CNTN1: variants seen among roughly 807,000 people sequenced by gnomAD.
The protein encoded by CNTN1 is contactin 1, also known as contactin-1.
Under a neutral mutation model 126.4 loss-of-function variants are expected in CNTN1, and 38 were observed. The ratio of observed to expected loss-of-function variants is 0.30; its 90% CI spans 0.23 to 0.39. The LOEUF (loss-of-function observed/expected upper bound fraction) is 0.39. Among genes scored for constraint, CNTN1 ranks in the 10% least tolerant of loss-of-function variants. CNTN1 has a pLI of 1.00. For missense variants in CNTN1, 1,009 were observed against 1,248.4 expected (o/e 0.81, Z 2.89); for synonymous variants, 413 against 422.6 (o/e 0.98, Z 0.28).
chr12:40,776,399 T>G (rs1939579082), intron 1 of CNTN1, among the ~76,000 whole-genome samples: 1 of 151,718 alleles, frequency 6.6e-6, no homozygotes, highest in African/African-American at 2.4e-5. Context: ...TTCTTTTGTT[T>G]TGTTTTAAGA....
intron 1 of CNTN1, among the ~76,000 whole-genome samples, chr12:40,852,364 G>A (rs1942751235): frequency 6.6e-6 from 1 of 152,076 alleles, no homozygotes; most frequent in Non-Finnish European, 1.5e-5. Context: ...CTTTTGGGTT[G>A]ATCAGCAATG....
At chr12:40,880,307 A>T (rs757996048) in intron 1 of CNTN1, among the ~76,000 whole-genome samples, 1 of 152,028 alleles carries the variant, frequency 6.6e-6, no homozygotes, top group Non-Finnish European at 1.5e-5. Context: ...AAATCTGAGT[A>T]AGAGGATTTC....
intron 15 of CNTN1, chr12:40,971,642 C>T: frequency 6.8e-7 from 1 of 1,475,300 alleles, no homozygotes; most frequent in Non-Finnish European, 8.9e-7. Context: ...GTATGTTTCC[C>T]CTTTTGAAAC....
chr12:41,029,378 T>C (rs1404085816), intron 23 of CNTN1, among the ~76,000 whole-genome samples, 159 bp downstream of exon 23: 2 of 152,204 alleles, frequency 1.3e-5, no homozygotes, highest in Non-Finnish European at 2.9e-5. Context: ...ATTTCTCCTC[T>C]TATGAGTCAC....
chr12:40,967,361 T>TC (rs1474780446), intron 15 of CNTN1, among the ~76,000 whole-genome samples: 5 of 149,084 alleles, frequency 3.4e-5, no homozygotes, highest in Non-Finnish European at 7.4e-5. Flanking sequence ...ATGCCTGTAG[T>TC]CCCCCCTGCT....
intron 1 of CNTN1, among the ~76,000 whole-genome samples, chr12:40,693,229 C>T (rs1355798159): frequency 1.3e-5 from 2 of 152,228 alleles, no homozygotes; most frequent in Admixed American, 6.5e-5. Context: ...CCCTTCTCCA[C>T]GATCTGCGGC....
Position 40,896,289 on chromosome 12 carries a change from A to G in CNTN1, c.-76-12068A>G, listed in dbSNP as rs1438762566. Among the ~76,000 whole-genome samples the G allele has an allele frequency of 3.3e-5, 5 of 152,160 alleles. 1 individual carries two copies. The highest frequency in any genetic ancestry group is 2.0e-4 in the Admixed American group (3 of 15,286). ...AGGAATATAAAGATATGTATAAGGT[A>G]TGTTTTTTTTTCCCTCTCTCTCAGA... On this transcript the variant is annotated intron_variant, in intron 1 of 23. Coordinates refer to ENST00000551295, the MANE Select transcript of CNTN1 (RefSeq NM_001843.4).
At chr12:40,700,623 G>C (rs1941571252) in intron 1 of CNTN1, among the ~76,000 whole-genome samples, 1 of 152,072 alleles carries the variant, frequency 6.6e-6, no homozygotes, top group Non-Finnish European at 1.5e-5. Context: ...TATATTCTGT[G>C]TAATCTTGGA....
At chr12:40,699,587 T>C (rs1159623017) in intron 1 of CNTN1, among the ~76,000 whole-genome samples, 2 of 152,222 alleles carry the variant, frequency 1.3e-5, no homozygotes, top group East Asian at 3.8e-4. Flanking sequence ...TTAGCTGTGT[T>C]GGAATTAAAT....
intron 1 of CNTN1, among the ~76,000 whole-genome samples, chr12:40,762,674 A>G (rs1488579698): frequency 6.6e-6 from 1 of 152,216 alleles, no homozygotes; most frequent in Non-Finnish European, 1.5e-5. Flanking sequence ...ATCTTCACTC[A>G]TGCATAAGAG....
At position 41,071,448 on chromosome 12, in the gene CNTN1, T is replaced by A. The variant is rs1447951824; in HGVS notation, c.*1413T>A. The A allele has an allele frequency of 6.6e-6, 1 of 152,208 alleles. No individual in the cohort carries two copies. Among genetic ancestry groups the A allele is most frequent in the Admixed American group, 6.5e-5 (1 of 15,276 alleles). The allele number at this position is 152,208 out of a possible 1,614,324, so 9.4% of individuals were successfully genotyped here. A position where few individuals can be genotyped will look rare whatever the true frequency, so the allele number is the denominator to read the frequency against. The stretch of plus-strand genomic sequence containing the variant: ...TCCTATTTTATTAGCACAAACTTGC[T>A]AGCTAATTAGAGTTTATCTTTTTAG... On this transcript the variant is annotated 3_prime_UTR_variant, in exon 24 of 24. Coordinates refer to ENST00000551295, the MANE Select transcript of CNTN1 (RefSeq NM_001843.4).
At chr12:40,931,536 C>T (rs530696727) in intron 7 of CNTN1, among the ~76,000 whole-genome samples, 12 of 152,098 alleles carry the variant, frequency 7.9e-5, no homozygotes, top group African/African-American at 2.4e-4. Context: ...ACTTGTCCCC[C>T]AGAAAGCTCT....
At position 40,993,392 on chromosome 12, in the gene CNTN1, T is replaced by A. The variant is rs184720287; in HGVS notation, c.2113+123T>A. 4 of 802,768 alleles carry A rather than the reference T, an allele frequency of 5.0e-6. No individual in the cohort carries two copies. In the Admixed American group the frequency reaches 6.6e-5, roughly 13 times the overall value. The allele number at this position is 802,768 out of a possible 1,614,324, so 49.7% of individuals were successfully genotyped here. On this transcript the variant is annotated intron_variant, in intron 17 of 23. Coordinates refer to ENST00000551295, the MANE Select transcript of CNTN1 (RefSeq NM_001843.4). ...AAGTGATTCATCTGAAAAGCATGTG[T>A]GTGTATTTCACTATCAAGACAGTCA... is the stretch of plus-strand genomic sequence containing the variant.
At chr12:40,723,133 T>G (rs1278560607) in intron 1 of CNTN1, among the ~76,000 whole-genome samples, 1 of 152,174 alleles carries the variant, frequency 6.6e-6, no homozygotes, top group Non-Finnish European at 1.5e-5. Flanking sequence ...GGCGGGAGCC[T>G]GGCACAGAGG....
intron 16 of CNTN1, among the ~76,000 whole-genome samples, chr12:40,990,320 A>C (rs1290089225): frequency 6.6e-6 from 1 of 152,178 alleles, no homozygotes; most frequent in Non-Finnish European, 1.5e-5. Flanking sequence ...AATAATTCAG[A>C]ATGTCCATTC....
At chr12:40,759,104 A>G (rs370333512) in intron 1 of CNTN1, among the ~76,000 whole-genome samples, 3 of 151,942 alleles carry the variant, frequency 2.0e-5, no homozygotes, top group Non-Finnish European at 4.4e-5. Flanking sequence ...AGGTTTCATC[A>G]TGTTGGTCAG....
intron 5 of CNTN1, among the ~76,000 whole-genome samples, 191 bp from the exon 6 acceptor site, chr12:40,924,366 A>G (rs532632745): frequency 5.3e-5 from 8 of 152,254 alleles, no homozygotes; most frequent in South Asian, 2.1e-4. Context: ...AGCTCATAAC[A>G]GAACTTTTTA....
chr12:40,701,140 T>C (rs1941584306), intron 1 of CNTN1, among the ~76,000 whole-genome samples: 1 of 152,180 alleles, frequency 6.6e-6, no homozygotes, highest in Non-Finnish European at 1.5e-5. Flanking sequence ...GTGACCGGAA[T>C]CTATCCCTAG....
chr12:40,832,547 C>T (rs569007656), intron 1 of CNTN1, among the ~76,000 whole-genome samples: 70 of 152,250 alleles, frequency 4.6e-4, no homozygotes, highest in African/African-American at 1.6e-3. Flanking sequence ...GCGTTAAGTA[C>T]ACTTCGTGAT....
Sources: allele counts gnomAD v4.1 joint callset (sites outside exome capture counted in the v4.1 genomes callset), GRCh38; gene constraint gnomAD v4.1.1; transcripts MANE v1.5; gene names NCBI Gene and HGNC (gene_info 2026-07-23, HGNC 2026-07-21).